GPC4: variants seen among roughly 807,000 people sequenced by gnomAD.
GPC4 encodes the protein glypican-4.
Under a neutral mutation model 35.0 loss-of-function variants are expected in GPC4, and 10 were observed. The observed-to-expected ratio is 0.29, with a 90% CI of 0.18 to 0.48. GPC4 has a LOEUF of 0.48. Ranked by LOEUF, GPC4 falls within the 20% of genes least tolerant of loss-of-function variation. GPC4 has a pLI of 0.99. For missense variants in GPC4, 322 were observed against 451.3 expected, an observed-to-expected ratio of 0.71 and a Z score of 2.60; for synonymous variants, 167 against 170.2, an observed-to-expected ratio of 0.98 and a Z score of 0.15.
intron 1 of GPC4, among the ~76,000 whole-genome samples, chrX:133,341,018 G>A (rs1328604105): frequency 1.8e-5 from 2 of 112,162 alleles, no homozygotes; most frequent in East Asian, 2.8e-4. Flanking sequence ...AAAAGGTTGT[G>A]TAATCAAGTT....
At chrX:133,390,331 A>C (rs1032361321) in intron 1 of GPC4, among the ~76,000 whole-genome samples, 1 of 111,945 alleles carries the variant, frequency 8.9e-6, no homozygotes, top group South Asian at 3.8e-4. Flanking sequence ...GCCTAAGACA[A>C]ATGGGAACAT....
chrX:133,368,834 C>T (rs779715843), intron 1 of GPC4, among the ~76,000 whole-genome samples: 36 of 110,175 alleles, frequency 3.3e-4, no homozygotes, highest in Non-Finnish European at 4.9e-4. Flanking sequence ...TTAGTAGAGA[C>T]GAGGTTTCAC....
At chrX:133,388,154 G>A (rs765580443) in intron 1 of GPC4, among the ~76,000 whole-genome samples, 1 of 111,917 alleles carries the variant, frequency 8.9e-6, no homozygotes, top group Admixed American at 9.5e-5. Flanking sequence ...ACCTACCTGG[G>A]ACCACAAATG....
intron 1 of GPC4, among the ~76,000 whole-genome samples, chrX:133,399,529 T>C (rs938061823): frequency 5.4e-5 from 6 of 112,034 alleles, no homozygotes; most frequent in Non-Finnish European, 1.1e-4. Context: ...CGTTTAACTT[T>C]GGGACTTTCA....
chrX:133,347,887 G>A (rs910388782), intron 1 of GPC4, among the ~76,000 whole-genome samples: 7 of 112,235 alleles, frequency 6.2e-5, no homozygotes, highest in African/African-American at 2.3e-4. Context: ...GAGAAATGCA[G>A]CCAGTTAGCA....
chrX:133,393,593 T>C (rs766309750), intron 1 of GPC4, among the ~76,000 whole-genome samples: 27 of 110,868 alleles, frequency 2.4e-4, no homozygotes, highest in African/African-American at 8.2e-4. Context: ...GCAGAGGAAT[T>C]TGGCATGTGC....
chrX:133,404,628 C>T (rs1378243083), intron 1 of GPC4, among the ~76,000 whole-genome samples: 1 of 106,016 alleles, frequency 9.4e-6, no homozygotes, highest in African/African-American at 3.5e-5. Context: ...GAGGCCAAGG[C>T]AGAATCACTT....
intron 4 of GPC4, among the ~76,000 whole-genome samples, chrX:133,306,841 T>C (rs1052397261): frequency 4.5e-5 from 5 of 112,102 alleles, no homozygotes; most frequent in Admixed American, 2.8e-4. Flanking sequence ...CAAGATACAG[T>C]ACACAAAATT....
intron 1 of GPC4, among the ~76,000 whole-genome samples, chrX:133,393,744 T>C (rs1397920933): frequency 8.9e-6 from 1 of 111,762 alleles, no homozygotes; most frequent in Non-Finnish European, 1.9e-5. Context: ...GGAATGATCA[T>C]TGCTGTATTC....
At chrX:133,312,966 A>T (rs944854942) in intron 3 of GPC4, among the ~76,000 whole-genome samples, 4 of 111,666 alleles carry the variant, frequency 3.6e-5, no homozygotes, top group African/African-American at 1.3e-4. Context: ...TCTAGCAGCT[A>T]ATTAAAAGTT....
At chrX:133,402,139 C>T (rs1420242119) in intron 1 of GPC4, among the ~76,000 whole-genome samples, 5 of 112,269 alleles carry the variant, frequency 4.5e-5, no homozygotes, top group African/African-American at 1.3e-4. Context: ...TCAGACTGGA[C>T]CACTGCAAGT....
At chrX:133,385,160 G>A (rs2068682924) in intron 1 of GPC4, among the ~76,000 whole-genome samples, 1 of 112,273 alleles carries the variant, frequency 8.9e-6, no homozygotes, top group South Asian at 3.7e-4. Flanking sequence ...CTATCTCACA[G>A]GAAGGCATTC....
chrX:133,321,549 C>T (rs1350419658), intron 3 of GPC4, among the ~76,000 whole-genome samples: 1 of 112,489 alleles, frequency 8.9e-6, no homozygotes, highest in Non-Finnish European at 1.9e-5. Context: ...CAAGTGTACA[C>T]GCACATGCAC....
At chrX:133,386,433 T>C (rs1054832467) in intron 1 of GPC4, among the ~76,000 whole-genome samples, 1 of 111,788 alleles carries the variant, frequency 8.9e-6, no homozygotes, top group Non-Finnish European at 1.9e-5. Context: ...ATACAAAATG[T>C]TTCAGATAGA....
At chrX:133,339,409 A>T in intron 1 of GPC4, 68 bp from the exon 2 acceptor site, 2 of 1,014,189 alleles carry the variant, frequency 2.0e-6, no homozygotes, top group Non-Finnish European at 1.3e-6. Flanking sequence ...GAAAGGTTTG[A>T]TTTAGGTTCA....
intron 2 of GPC4, among the ~76,000 whole-genome samples, chrX:133,327,581 C>T (rs1220890757): frequency 9.2e-6 from 1 of 108,200 alleles, no homozygotes; most frequent in Non-Finnish European, 1.9e-5. Context: ...TGCCCCTGTC[C>T]GACACCCACC....
chrX:133,408,543 T>C (rs1437797375), intron 1 of GPC4, among the ~76,000 whole-genome samples: 3 of 111,283 alleles, frequency 2.7e-5, no homozygotes, highest in Admixed American at 9.6e-5. Context: ...AAGACCAGCC[T>C]GACTAACATG....
chrX:133,311,680 C>A (rs1399960927), intron 3 of GPC4, among the ~76,000 whole-genome samples: 1 of 110,935 alleles, frequency 9.0e-6, no homozygotes, highest in Non-Finnish European at 1.9e-5. Context: ...ATTCCTCCCC[C>A]ACCCCCTTCC....
At chrX:133,341,239 G>T (rs2068465545) in intron 1 of GPC4, among the ~76,000 whole-genome samples, 1 of 111,445 alleles carries the variant, frequency 9.0e-6, no homozygotes, top group Middle Eastern at 4.7e-3. Context: ...TGAGGTAAGG[G>T]TTCCCTCCAT....
Sources: gnomAD v4.1 joint callset for allele counts (sites outside exome capture counted in the v4.1 genomes callset) on GRCh38, gnomAD v4.1.1 for gene constraint, MANE v1.5 for transcripts, NCBI Gene and HGNC (gene_info 2026-07-23, HGNC 2026-07-21) for gene names.